The following PXK variants were observed in gnomAD, a reference collection of about 807,000 sequenced individuals.
PXK encodes the protein PX domain containing serine/threonine kinase like.
A neutral mutation model predicts 84.7 loss-of-function variants in PXK; 35 were observed. The observed-to-expected ratio is 0.41, with a 90% CI of 0.32 to 0.55. The LOEUF is 0.55. Ranked by LOEUF, PXK falls within the 20% of genes least tolerant of loss-of-function variation. PXK has a pLI of 0.21. For synonymous variants in PXK, 253 were observed against 260.8 expected (o/e 0.97, Z 0.29); for missense variants, 634 against 699.7 (o/e 0.91, Z 1.06).
At chr3:58,336,716 G>A (rs1242500579) in intron 1 of PXK, among the ~76,000 whole-genome samples, 1 of 152,188 alleles carries the variant, frequency 6.6e-6, no homozygotes, top group Non-Finnish European at 1.5e-5. Context: ...AGAAACCAGA[G>A]GAAACAAAGT....
In PXK at chr3:58,373,142, A is replaced by C. The variant is rs1249806924; in HGVS notation, c.201+3664A>C. Among the ~76,000 whole-genome samples, 7 of 74,758 alleles carry C rather than the reference A, an allele frequency of 9.4e-5. No homozygotes were observed. The East Asian group carries it at 1.2e-3, about 13-fold the overall frequency. The allele number at this position is 74,758 out of a possible 152,430, so 49.0% of individuals were successfully genotyped here. A position where few individuals can be genotyped will look rare whatever the true frequency, so the allele number is the denominator to read the frequency against. The stretch of plus-strand genomic sequence containing the variant: ...CGCCCAGGCTGGAGTGCAGTGGTGC[A>C]TCTCTGCTCACTGCAAGCTCCACCT... On this transcript the variant is annotated intron_variant, in intron 3 of 17. Coordinates refer to ENST00000356151, the MANE Select transcript of PXK (RefSeq NM_017771.5).
Position 58,371,694 on chromosome 3 carries a change from A to G in PXK, c.201+2216A>G, listed in dbSNP as rs183705129. Among the ~76,000 whole-genome samples the G allele has an allele frequency of 9.8e-5, 15 of 152,286 alleles. No homozygotes were observed. The East Asian group carries it at 2.9e-3, about 29-fold the overall frequency. ...ACTCTTCACTTATGGCCTTTTTAAT[A>G]TAGTGAATTTTATGCTTGCTTCAGT... On this transcript the variant is annotated intron_variant, in intron 3 of 17. Transcript: ENST00000356151.
chr3:58,384,023 G>A (rs1031776603), intron 4 of PXK, among the ~76,000 whole-genome samples: 6 of 152,294 alleles, frequency 3.9e-5, no homozygotes, highest in African/African-American at 7.2e-5. Flanking sequence ...CCTGGGGAGC[G>A]TTAGAAAAAT....
Position 58,421,760 on chromosome 3 carries a change from T to C in PXK, c.1529-2992T>C. On this transcript the variant is annotated intron_variant, in intron 17 of 17. Coordinates refer to ENST00000356151, the MANE Select transcript of PXK (RefSeq NM_017771.5). The surrounding 1 kb of genome is among the most constrained non-coding windows in gnomAD (Gnocchi z 5.5). Reference sequence around the variant, plus strand: ...CCGTGTGGTTTGGTGGAGAAGATTTTGGGGTGGGTAGAGTAAGTAGTTGGC... The same window carrying C: ...CCGTGTGGTTTGGTGGAGAAGATTTCGGGGTGGGTAGAGTAAGTAGTTGGC... 2.0e-6 allele frequency: 2 copies of C among 985,366 alleles called. No individual in the cohort carries two copies. Among genetic ancestry groups the C allele is most frequent in the Non-Finnish European group, 2.4e-6 (2 of 829,918 alleles). The allele number at this position is 985,366 out of a possible 1,614,324, so 61.0% of individuals were successfully genotyped here.
chr3:58,391,190 T>C lies in PXK; in HGVS notation c.510T>C (p.Asn170=). 1 of 1,613,798 alleles carries C rather than the reference T, an allele frequency of 6.2e-7. No homozygotes were observed. Among genetic ancestry groups the C allele is most frequent in the Non-Finnish European group, 8.5e-7 (1 of 1,179,792 alleles). ...RKKYFLMKIK[N]QPKERLVLSW... is the part of the protein sequence containing the mutation. ...AATATTTCTTGATGAAGATTAAAAA[T>C]CAGCCAAAGGAACGGCTAGTGTTAA... Residue 170 remains asparagine (N), a synonymous_variant, in exon 6 of 18, where the codon AAT becomes AAC. Transcript: ENST00000356151.
chr3:58,389,511 A>G (rs1210764248), intron 4 of PXK, among the ~76,000 whole-genome samples: 1 of 152,174 alleles, frequency 6.6e-6, no homozygotes, highest in Non-Finnish European at 1.5e-5. Flanking sequence ...ACATTTTAGA[A>G]TAATTTTAGA....
intron 1 of PXK, among the ~76,000 whole-genome samples, chr3:58,347,702 T>C (rs1018707915): frequency 6.6e-6 from 1 of 152,228 alleles, no homozygotes; most frequent in Non-Finnish European, 1.5e-5. Flanking sequence ...AAAGTCTTTG[T>C]GTAGATATAT....
intron 1 of PXK, among the ~76,000 whole-genome samples, chr3:58,357,670 C>A (rs748587032): frequency 2.0e-5 from 3 of 152,160 alleles, no homozygotes; most frequent in African/African-American, 7.2e-5. Flanking sequence ...CTTGGCCAGG[C>A]GTTGTGGCTG....
chr3:58,404,847 G>A (rs987230694), intron 13 of PXK, among the ~76,000 whole-genome samples: 6 of 152,212 alleles, frequency 3.9e-5, no homozygotes, highest in African/African-American at 1.4e-4. Flanking sequence ...CTGTGTCAGT[G>A]AGAGAGGTGC....
intron 12 of PXK, 142 bp from the exon 13 acceptor site, chr3:58,403,720 A>C: frequency 7.2e-6 from 3 of 414,600 alleles, no homozygotes; most frequent in Non-Finnish European, 1.3e-5. Context: ...TGAACATGGA[A>C]TGGTGGATTG....
intron 4 of PXK, among the ~76,000 whole-genome samples, chr3:58,384,633 C>T (rs1353601677): frequency 1.3e-5 from 2 of 152,158 alleles, no homozygotes; most frequent in Non-Finnish European, 2.9e-5. Flanking sequence ...AGACAGCAGG[C>T]CATCTGGACT....
intron 3 of PXK, among the ~76,000 whole-genome samples, chr3:58,378,256 T>C (rs1019478536): frequency 2.0e-5 from 3 of 152,098 alleles, no homozygotes; most frequent in Non-Finnish European, 4.4e-5. Flanking sequence ...GAGGAATCTG[T>C]CCTGCCTAAG....
rs761794047 is a variant in PXK, at chr3:58,424,843, G to C, written c.1620G>C (p.Ser540=). The C allele has an allele frequency of 6.2e-7, 1 of 1,614,132 alleles. No individual in the cohort carries two copies. The highest frequency in any genetic ancestry group is 8.5e-7 in the Non-Finnish European group (1 of 1,180,018). ...GCACCGAGGCACCTGCCCAGCTCTC[G>C]TCTCAGGCTGTGAATGGCATGAGCC... ...PASTEAPAQL[S]SQAVNGMSRG... Residue 540 remains serine (S), a synonymous_variant, in exon 18 of 18, where the codon TCG becomes TCC. Coordinates refer to ENST00000356151, the MANE Select transcript of PXK (RefSeq NM_017771.5).
chr3:58,419,386 G>A (rs1405588191), intron 17 of PXK, among the ~76,000 whole-genome samples: 1 of 152,186 alleles, frequency 6.6e-6, no homozygotes, highest in Non-Finnish European at 1.5e-5. Context: ...CAGGTAGCTG[G>A]GATTACAGGC....
chr3:58,373,414 T>C (rs1250635685), intron 3 of PXK, among the ~76,000 whole-genome samples: 2 of 152,110 alleles, frequency 1.3e-5, no homozygotes, highest in African/African-American at 4.8e-5. Context: ...CTTTCGCCGC[T>C]GAAATAAAGG....
Position 58,403,860 on chromosome 3 carries a change from A to G in PXK, c.1182-2A>G, listed in dbSNP as rs2058989876. ...ATTTTTGTTTGTTTCTTTTCTTTAC[A>G]GATTATTCAGCGATGTTTTACTAAC... On this transcript the variant is annotated splice_acceptor_variant, in intron 12 of 17. Transcript: ENST00000356151. LOFTEE classifies it high-confidence loss of function. The G allele has an allele frequency of 3.2e-6, 5 of 1,540,818 alleles. No homozygotes were observed. Among genetic ancestry groups the G allele is most frequent in the Non-Finnish European group, 4.4e-6 (5 of 1,133,078 alleles).
intron 1 of PXK, among the ~76,000 whole-genome samples, chr3:58,359,975 C>G (rs1333709718): frequency 6.6e-6 from 1 of 152,052 alleles, no homozygotes; most frequent in African/African-American, 2.4e-5. Context: ...TACTGAGACC[C>G]CGTTTCTACA....
rs1165800845 is a variant in PXK, at chr3:58,414,162, G to A, written c.1528+1199G>A. 6.6e-6 allele frequency: 1 copy of A among 152,118 alleles called. No homozygotes were observed. The highest frequency in any genetic ancestry group is 1.9e-4 in the East Asian group (1 of 5,200). The allele number at this position is 152,118 out of a possible 1,614,324, so 9.4% of individuals were successfully genotyped here. On this transcript the variant is annotated intron_variant, in intron 17 of 17. Transcript: ENST00000356151. This position sits in a 1 kb window ranked among gnomAD's most constrained non-coding sequence, Gnocchi z 4.5. ...GGAGATACACTGTTTAGGCTGATCAGAAATGTCTGGTGATCTACTGCCCGG... is the reference window on the plus strand; with the variant it reads ...GGAGATACACTGTTTAGGCTGATCAAAAATGTCTGGTGATCTACTGCCCGG...
At chr3:58,404,029 A>G (rs1376492239) in intron 13 of PXK, 119 bp downstream of exon 13, 1 of 549,000 alleles carries the variant, frequency 1.8e-6, no homozygotes. Flanking sequence ...GAAATAACCT[A>G]AATGTCCTAC....
Sources: allele counts gnomAD v4.1 joint callset (sites outside exome capture counted in the v4.1 genomes callset), GRCh38; gene constraint gnomAD v4.1.1; non-coding constraint Gnocchi (gnomAD v3.1); transcripts MANE v1.5; gene names NCBI Gene and HGNC (gene_info 2026-07-23, HGNC 2026-07-21).